LSAMP: variants seen among roughly 807,000 people sequenced by gnomAD.
The protein encoded by LSAMP is limbic system-associated membrane protein.
A neutral mutation model predicts 38.6 loss-of-function variants in LSAMP; 7 were observed. The observed-to-expected ratio is 0.18, with a 90% CI of 0.10 to 0.34. The LOEUF (loss-of-function observed/expected upper bound fraction) is 0.34. LSAMP is among the 10% of genes least tolerant of loss of function. LSAMP has a pLI of 1.00. For missense variants in LSAMP, 313 were observed against 420.0 expected (o/e 0.75, Z 2.23); for synonymous variants, 154 against 166.8 (o/e 0.92, Z 0.59).
chr3:115,827,365 A>G (rs569320257), intron 6 of LSAMP, among the ~76,000 whole-genome samples: 1 of 146,266 alleles, frequency 6.8e-6, no homozygotes, highest in Non-Finnish European at 1.5e-5. Context: ...ACAGGATGCT[A>G]CTATTGCCTC....
chr3:116,009,799 C>G (rs559959803), intron 3 of LSAMP, among the ~76,000 whole-genome samples: 12 of 152,176 alleles, frequency 7.9e-5, no homozygotes, highest in Admixed American at 7.2e-4. Flanking sequence ...CCCTCACCCC[C>G]ACTATAGCAC....
At chr3:115,925,128 G>A (rs1937469457) in intron 3 of LSAMP, among the ~76,000 whole-genome samples, 1 of 152,156 alleles carries the variant, frequency 6.6e-6, no homozygotes, top group Non-Finnish European at 1.5e-5. Context: ...CCAGGTATGT[G>A]TGTGTTCCTA....
chr3:116,015,314 G>T (rs549697815), intron 3 of LSAMP, among the ~76,000 whole-genome samples: 1 of 152,244 alleles, frequency 6.6e-6, no homozygotes, highest in Admixed American at 6.5e-5. Context: ...GACAACACAT[G>T]ATGCACATTT....
intron 1 of LSAMP, among the ~76,000 whole-genome samples, chr3:116,276,726 A>G (rs946742697): frequency 3.3e-5 from 5 of 152,104 alleles, no homozygotes; most frequent in African/African-American, 1.2e-4. Flanking sequence ...GGAGATATTG[A>G]AGCTAAAAGA....
At chr3:116,400,850 T>C (rs917415200) in intron 1 of LSAMP, among the ~76,000 whole-genome samples, 1 of 152,158 alleles carries the variant, frequency 6.6e-6, no homozygotes, top group Non-Finnish European at 1.5e-5. Context: ...TTTATTCCTT[T>C]TTCAGTAATG....
At chr3:116,334,074 T>G (rs1439884323) in intron 1 of LSAMP, among the ~76,000 whole-genome samples, 1 of 151,920 alleles carries the variant, frequency 6.6e-6, no homozygotes, top group Non-Finnish European at 1.5e-5. Flanking sequence ...TTACTATTGA[T>G]TCTACAGAAA....
chr3:116,416,615 G>A (rs1294111936), intron 1 of LSAMP, among the ~76,000 whole-genome samples: 2 of 152,024 alleles, frequency 1.3e-5, no homozygotes, highest in Non-Finnish European at 2.9e-5. Flanking sequence ...CTTGCCTTTT[G>A]GTGACCACCT....
At chr3:116,022,736 A>G (rs1412410720) in intron 2 of LSAMP, among the ~76,000 whole-genome samples, 2 of 152,108 alleles carry the variant, frequency 1.3e-5, no homozygotes, top group Admixed American at 1.3e-4. Flanking sequence ...TCATCGAAGG[A>G]TCTTACCTAT....
intron 1 of LSAMP, among the ~76,000 whole-genome samples, chr3:116,295,089 A>G (rs558373804): frequency 3.9e-5 from 6 of 152,338 alleles, no homozygotes; most frequent in African/African-American, 1.4e-4. Flanking sequence ...TGAAATACTA[A>G]AAGAAAGAAA....
chr3:115,842,099 G>T, intron 5 of LSAMP, 106 bp from the exon 6 acceptor site: 3 of 1,196,712 alleles, frequency 2.5e-6, no homozygotes, highest in Non-Finnish European at 2.3e-6. Flanking sequence ...AAAGGAAGTA[G>T]CTAGAGTTTG....
intron 3 of LSAMP, among the ~76,000 whole-genome samples, chr3:115,961,880 C>T (rs961271318): frequency 6.6e-6 from 1 of 152,174 alleles, no homozygotes; most frequent in African/African-American, 2.4e-5. Context: ...TAAATCCTTT[C>T]AAATATACTC....
chr3:116,358,993 T>C (rs891281571), intron 1 of LSAMP, among the ~76,000 whole-genome samples: 1 of 152,208 alleles, frequency 6.6e-6, no homozygotes, highest in African/African-American at 2.4e-5. Context: ...TCACCACGTA[T>C]AAAATCTGTG....
At chr3:116,057,859 C>T (rs1386354677) in intron 2 of LSAMP, among the ~76,000 whole-genome samples, 1 of 151,810 alleles carries the variant, frequency 6.6e-6, no homozygotes, top group Non-Finnish European at 1.5e-5. Flanking sequence ...GAATCATTCA[C>T]TCCAAAAAAT....
At chr3:116,125,371 C>T (rs1576378463) in intron 1 of LSAMP, among the ~76,000 whole-genome samples, 1 of 151,292 alleles carries the variant, frequency 6.6e-6, no homozygotes, top group Non-Finnish European at 1.5e-5. Flanking sequence ...CCCCCACCCC[C>T]GCCACGAGTT....
chr3:116,404,710 C>A (rs1026543424), intron 1 of LSAMP, among the ~76,000 whole-genome samples: 2 of 152,100 alleles, frequency 1.3e-5, no homozygotes, highest in Non-Finnish European at 2.9e-5. Context: ...TCCTTGTTAG[C>A]CAACCTCAGA....
At chr3:116,047,794 T>C (rs1255561073) in intron 2 of LSAMP, among the ~76,000 whole-genome samples, 2 of 152,262 alleles carry the variant, frequency 1.3e-5, no homozygotes, top group Non-Finnish European at 2.9e-5. Context: ...ATATGTATCA[T>C]GTACAATGGA....
chr3:116,250,652 G>A (rs1302187493), intron 1 of LSAMP, among the ~76,000 whole-genome samples: 6 of 150,550 alleles, frequency 4.0e-5, no homozygotes, highest in African/African-American at 7.3e-5. Context: ...ACTTGAGCTC[G>A]AGAGTTTGAG....
At chr3:116,307,889 G>C (rs1192227065) in intron 1 of LSAMP, among the ~76,000 whole-genome samples, 1 of 151,734 alleles carries the variant, frequency 6.6e-6, no homozygotes, top group East Asian at 1.9e-4. Context: ...GCTTGTGTCA[G>C]TTATTAGATA....
chr3:115,877,034 C>T (rs1222608413), intron 3 of LSAMP, among the ~76,000 whole-genome samples: 6 of 152,114 alleles, frequency 3.9e-5, no homozygotes, highest in Admixed American at 2.0e-4. Context: ...AACAATATTA[C>T]CGGAATAAGT....
Sources: allele counts gnomAD v4.1 joint callset (sites outside exome capture counted in the v4.1 genomes callset), GRCh38; gene constraint gnomAD v4.1.1; transcripts MANE v1.5; gene names NCBI Gene and HGNC (gene_info 2026-07-23, HGNC 2026-07-21).